HELZ2: variants seen among roughly 807,000 people sequenced by gnomAD.
HELZ2 encodes helicase with zinc finger 2, also known as 3'-5' exoribonuclease HELZ2.
In HELZ2, 143 loss-of-function variants were observed where a neutral mutation model predicts 208.8. That is an observed-to-expected ratio of 0.68 (90% CI 0.60 to 0.79). The LOEUF (loss-of-function observed/expected upper bound fraction) is 0.79. Among genes scored for constraint, HELZ2 ranks in the 30% least tolerant of loss-of-function variants. The pLI is 0.00. For missense variants in HELZ2, 3,690 were observed against 3,794.5 expected, an observed-to-expected ratio of 0.97 and a Z score of 0.72; for synonymous variants, 1,705 against 1,693.7, an observed-to-expected ratio of 1.01 and a Z score of -0.16.
At position 63,568,350 on chromosome 20, in the gene HELZ2, G is replaced by A. The variant is rs372678737; in HGVS notation, c.1730+8C>T. The A allele has an allele frequency of 1.5e-4, 245 of 1,604,880 alleles. No homozygotes were observed. The highest frequency in any genetic ancestry group is 1.9e-4 in the Non-Finnish European group (223 of 1,174,470). The stretch of plus-strand genomic sequence containing the variant: ...GGTGAGGTGGGGGCAGGCCAGGCTC[G>A]GGCTTACCTGTTGGTGTGTGTGCAG... On this transcript the variant is annotated splice_region_variant and intron_variant, in intron 5 of 18. Transcript: ENST00000467148.
chr20:63,562,724 A>G (rs749280607), exon 8 of HELZ2: 1 of 1,601,734 alleles, frequency 6.2e-7, no homozygotes, highest in Non-Finnish European at 8.5e-7. Context: ...GTCAACATTC[A>G]GGCCAGGGCC....
exon 5 of HELZ2, chr20:63,568,777 C>T (rs2082989702): frequency 5.6e-6 from 9 of 1,610,486 alleles, no homozygotes; most frequent in African/African-American, 1.3e-5. Context: ...AGCTGGCCCG[C>T]CTCTCCAGCC....
chr20:63,565,052 G>T, exon 8 of HELZ2: 1 of 1,563,302 alleles, frequency 6.4e-7, no homozygotes, highest in Non-Finnish European at 8.7e-7. Context: ...CCGGGCCTCG[G>T]CGGTGAGCCT....
chr20:63,558,832 C>T (rs565760496), downstream of HELZ2: 250 of 155,544 alleles, frequency 1.6e-3, no homozygotes, highest in African/African-American at 5.4e-3. Context: ...CCACCACGCC[C>T]GGCAGGATGC....
chr20:63,569,246 G>T, exon 4 of HELZ2: 1 of 1,570,976 alleles, frequency 6.4e-7, no homozygotes, highest in Non-Finnish European at 8.6e-7. Context: ...AGGCCACGCT[G>T]CTGCGGTTGA....
intron 17 of HELZ2, 27 bp from the exon 19 acceptor site, chr20:63,560,122 T>A (rs3810478): frequency 9.9e-5 from 155 of 1,560,652 alleles, no homozygotes; most frequent in African/African-American, 8.4e-4. Context: ...GAGGCCCTGC[T>A]GCCGCTGCGC....
exon 8 of HELZ2, chr20:63,565,979 A>C (rs778821306): frequency 6.3e-7 from 1 of 1,599,234 alleles, no homozygotes; most frequent in Admixed American, 1.7e-5. Context: ...GACCTGCTCC[A>C]TGGACAGGCC....
exon 16 of HELZ2, chr20:63,560,530 C>T (rs201932898): frequency 1.6e-5 from 25 of 1,609,142 alleles, no homozygotes; most frequent in East Asian, 6.7e-5. Context: ...TCCCTTCGTC[C>T]GTGGACACCA....
exon 1 of HELZ2, chr20:63,572,278 A>T (rs2083022926): frequency 1.9e-6 from 3 of 1,586,046 alleles, no homozygotes; most frequent in Admixed American, 1.8e-5. Flanking sequence ...GCTGGGCCCC[A>T]GGGGGCTGGC....
intron 5 of HELZ2, chr20:63,567,978 G>A: frequency 3.7e-6 from 2 of 544,254 alleles, no homozygotes; most frequent in Non-Finnish European, 6.5e-6. Context: ...CCCCGGCCTG[G>A]GGAGGTGGTG....
intron 3 of HELZ2, 169 bp downstream of exon 4, chr20:63,570,335 G>C (rs2083004653): frequency 4.2e-6 from 3 of 717,618 alleles, no homozygotes; most frequent in Non-Finnish European, 7.7e-6. Context: ...CTGTCTCTAG[G>C]TGAGGAGACT....
chr20:63,568,175 G>A, intron 5 of HELZ2, 183 bp downstream of exon 6: 1 of 609,070 alleles, frequency 1.6e-6, no homozygotes, highest in Non-Finnish European at 2.9e-6. Context: ...CTCCTCACCT[G>A]ACAGCAGACC....
chr20:63,570,429 G>A (rs1401410465), intron 3 of HELZ2, 75 bp downstream of exon 4: 1 of 1,212,928 alleles, frequency 8.2e-7, no homozygotes, highest in South Asian at 1.3e-5. Flanking sequence ...GACCCAGGCT[G>A]TTGACGTCTG....
At chr20:63,565,922 T>A in exon 8 of HELZ2, 1 of 1,598,504 alleles carries the variant, frequency 6.3e-7, no homozygotes, top group Non-Finnish European at 8.5e-7. Flanking sequence ...TGCCCCAGCC[T>A]GTGTGCCTCG....
In HELZ2 at chr20:63,562,144, G is replaced by A. The variant is rs377233611; in HGVS notation, c.6457C>T (p.Leu2153=). The A allele has an allele frequency of 3.1e-5, 50 of 1,612,198 alleles. No homozygotes were observed. The South Asian group carries it at 5.2e-4, about 17-fold the overall frequency. ...ACCGCCACGTTCTGGCTGGGGTTCA[G>A]CTTGTGGCGGCCTCCGGGGATGTTG... Residue 2153 remains leucine, a synonymous_variant, in exon 10 of 19, where the codon CTG becomes TTG. Coordinates refer to ENST00000467148, the Ensembl canonical transcript of HELZ2.
At chr20:63,559,153 C>A, downstream of HELZ2, 1 of 1,370,524 alleles carries the variant, frequency 7.3e-7, no homozygotes, top group Non-Finnish European at 9.7e-7. Context: ...GCAGGCTGGC[C>A]CAGGCAGGCT....
At chr20:63,573,158 G>C (rs533816233), upstream of HELZ2, 3 of 152,210 alleles carry the variant, frequency 2.0e-5, no homozygotes, top group African/African-American at 4.8e-5. This position sits in a 1 kb window ranked among gnomAD's most constrained non-coding sequence, Gnocchi z 4.9. Context: ...CCAGGGAGGC[G>C]TCTGAGGCTC....
chr20:63,566,735 C>T (rs2082963819), intron 6 of HELZ2, 109 bp downstream of exon 7: 4 of 1,132,128 alleles, frequency 3.5e-6, no homozygotes, highest in Non-Finnish European at 5.0e-6. Context: ...TACTGCAGCC[C>T]CCTCTTACAG....
chr20:63,570,584 C>G, exon 3 of HELZ2: 4 of 1,612,648 alleles, frequency 2.5e-6, no homozygotes, highest in Non-Finnish European at 3.4e-6. Flanking sequence ...TTGCAGGTGA[C>G]ACGCACTCCA....
Sources: gnomAD v4.1 joint callset for allele counts on GRCh38, gnomAD v4.1.1 for gene constraint, Gnocchi (gnomAD v3.1) non-coding constraint, MANE v1.5 for transcripts, NCBI Gene and HGNC (gene_info 2026-07-23, HGNC 2026-07-21) for gene names.